The following FTO variants were observed in gnomAD, a reference collection of about 807,000 sequenced individuals.
FTO encodes FTO alpha-ketoglutarate dependent dioxygenase, also known as alpha-ketoglutarate-dependent dioxygenase FTO.
In FTO, 47 loss-of-function variants were observed where a neutral mutation model predicts 63.9. The ratio of observed to expected loss-of-function variants is 0.74; its 90% CI spans 0.58 to 0.94. FTO has a LOEUF of 0.94. FTO is among the 40% of genes least tolerant of loss of function. The pLI, the probability that FTO is intolerant of heterozygous loss-of-function variation, is 0.00. For missense variants in FTO, 562 were observed against 618.1 expected, an observed-to-expected ratio of 0.91 and a Z score of 0.96; for synonymous variants, 207 against 224.4, an observed-to-expected ratio of 0.92 and a Z score of 0.69.
intron 8 of FTO, among the ~76,000 whole-genome samples, chr16:54,058,148 G>A (rs373474945): frequency 2.6e-4 from 39 of 152,046 alleles, no homozygotes; most frequent in African/African-American, 7.2e-4. Flanking sequence ...TCGCTCTGTC[G>A]TCAAGACTGG....
chr16:53,903,720 T>C (rs2111112), intron 7 of FTO, among the ~76,000 whole-genome samples: 103,837 of 152,142 alleles, frequency 0.68, 37,551 homozygotes, highest in East Asian at 0.98. Flanking sequence ...CTGTCTTTAG[T>C]CTTCTGCTTT....
chr16:53,781,502 C>T (rs1287535273), intron 1 of FTO, among the ~76,000 whole-genome samples: 1 of 152,152 alleles, frequency 6.6e-6, no homozygotes, highest in Non-Finnish European at 1.5e-5. Flanking sequence ...GAAAAGTTAC[C>T]TGATTCCTGC....
At chr16:53,783,604 TAAAAAAAA>T (rs753810468) in intron 1 of FTO, among the ~76,000 whole-genome samples, 2 of 68,146 alleles carry the variant, frequency 2.9e-5, no homozygotes, top group African/African-American at 1.2e-4. Context: ...CAAGACTCCA[TAAAAAAAA>T]AAAAAAAAAA....
intron 8 of FTO, among the ~76,000 whole-genome samples, chr16:54,019,949 G>A (rs1166514548): frequency 2.0e-5 from 3 of 152,096 alleles, no homozygotes; most frequent in African/African-American, 7.2e-5. Flanking sequence ...ATTGTTTTTT[G>A]TTTTATCTAG....
chr16:53,743,882 A>AT (rs759499132), intron 1 of FTO, among the ~76,000 whole-genome samples: 1 of 151,712 alleles, frequency 6.6e-6, no homozygotes, highest in Non-Finnish European at 1.5e-5. Flanking sequence ...TTGCTTTCAG[A>AT]TTTTTTCCTC....
In FTO at chr16:54,111,754, T is replaced by C. The variant is rs1398309060; in HGVS notation, c.1365-8T>C. 6.2e-7 allele frequency: 1 copy of C among 1,614,082 alleles called. No homozygotes were observed. The highest frequency in any genetic ancestry group is 8.5e-7 in the Non-Finnish European group (1 of 1,180,026). On this transcript the variant is annotated splice_polypyrimidine_tract_variant and splice_region_variant and intron_variant, in intron 8 of 8. Transcript: ENST00000471389. ...CCGTGGATTAATTTCCTATTTTTAC[T>C]CTTCCAGGTGCCAGTCACGAATTGC...
chr16:54,006,022 A>G (rs1282482004), intron 8 of FTO, among the ~76,000 whole-genome samples: 1 of 152,212 alleles, frequency 6.6e-6, no homozygotes, highest in African/African-American at 2.4e-5. Flanking sequence ...CTCCCAGAGC[A>G]ATTGATAAAT....
intron 7 of FTO, chr16:53,911,560 A>G (rs2081706192): frequency 2.9e-6 from 2 of 691,094 alleles, no homozygotes; most frequent in Non-Finnish European, 5.3e-6. Context: ...CTGAGGAGAC[A>G]TTTCTCAGAA....
intron 7 of FTO, among the ~76,000 whole-genome samples, chr16:53,908,653 G>A (rs1042122809): frequency 6.6e-6 from 1 of 152,162 alleles, no homozygotes; most frequent in African/African-American, 2.4e-5. Context: ...GCACTTCAGA[G>A]CCATGCAGAA....
rs757869301 is a variant in FTO, at chr16:53,873,823, C to T, written c.933C>T (p.Ala311=). 1.9e-5 allele frequency: 31 copies of T among 1,612,836 alleles called. No homozygotes were observed. Among genetic ancestry groups the T allele is most frequent in the South Asian group, 3.3e-5 (3 of 91,066 alleles). The change falls in exon 5 of 9, where the codon GCC becomes GCT. Residue 311 remains alanine, a synonymous_variant. Transcript: ENST00000471389. ...CCACCCACCAACACTGTGTTTTGGC[C>T]GGTTCACAACCTCGGTTTAGTTCCA... The part of the protein sequence containing the change: ...LNATHQHCVL[A]GSQPRFSSTH...
intron 8 of FTO, among the ~76,000 whole-genome samples, chr16:53,953,764 G>T (rs2094744439): frequency 6.6e-6 from 1 of 152,210 alleles, no homozygotes; most frequent in Non-Finnish European, 1.5e-5. Context: ...CAGAAGCCAT[G>T]AGGGGCCCAG....
At chr16:53,963,591 T>C (rs1173964620) in intron 8 of FTO, among the ~76,000 whole-genome samples, 3 of 152,146 alleles carry the variant, frequency 2.0e-5, no homozygotes, top group African/African-American at 7.2e-5. Flanking sequence ...TGTTAAAAAG[T>C]GTGTACCACC....
At chr16:53,774,576 C>T (rs1481283244) in intron 1 of FTO, among the ~76,000 whole-genome samples, 1 of 152,138 alleles carries the variant, frequency 6.6e-6, no homozygotes, top group Non-Finnish European at 1.5e-5. Context: ...ACTATTTTCA[C>T]TTGGTTGTTC....
intron 7 of FTO, among the ~76,000 whole-genome samples, chr16:53,929,198 G>T (rs921156943): frequency 6.6e-6 from 1 of 152,118 alleles, no homozygotes; most frequent in African/African-American, 2.4e-5. Context: ...GTACAGAATG[G>T]TTCCATCATG....
rs935173300 is a variant in FTO, at chr16:54,084,332, T to C, written c.1365-27430T>C. 2.0e-5 allele frequency among the ~76,000 whole-genome samples: 3 copies of C among 152,192 alleles called. No homozygotes were observed. The East Asian group carries it at 5.8e-4, about 29-fold the overall frequency. On this transcript the variant is annotated intron_variant, in intron 8 of 8. Coordinates refer to ENST00000471389, the MANE Select transcript of FTO (RefSeq NM_001080432.3). ...CCTTTGACAGTCCTGTTCTAGTCTTTTCCAAGGACAAATGTGTTTCTAGAG... is the reference window on the plus strand; with the variant it reads ...CCTTTGACAGTCCTGTTCTAGTCTTCTCCAAGGACAAATGTGTTTCTAGAG...
intron 7 of FTO, among the ~76,000 whole-genome samples, chr16:53,897,066 A>C (rs1434901653): frequency 6.6e-6 from 1 of 152,008 alleles, no homozygotes; most frequent in Non-Finnish European, 1.5e-5. Context: ...CAAAATAATG[A>C]CCCTTTTTTA....
At chr16:54,022,592 C>A (rs2084625617) in intron 8 of FTO, among the ~76,000 whole-genome samples, 1 of 152,176 alleles carries the variant, frequency 6.6e-6, no homozygotes, top group African/African-American at 2.4e-5. Flanking sequence ...CATTACTGCT[C>A]AAGTGACGGC....
chr16:53,914,079 C>T lies in FTO; in HGVS notation c.1240-19906C>T, dbSNP rs191826621. ...CCCAGTGGAGGACAGCGTCTTCTCA[C>T]GATCACTTCCCAGGGACTCTCTTAT... On this transcript the variant is annotated intron_variant, in intron 7 of 8. Coordinates refer to ENST00000471389, the MANE Select transcript of FTO (RefSeq NM_001080432.3). Among the ~76,000 whole-genome samples the T allele has an allele frequency of 8.4e-4, 127 of 152,054 alleles. 1 individual carries two copies. The highest frequency in any genetic ancestry group is 3.0e-3 in the African/African-American group (123 of 41,490).
At chr16:53,879,570 C>T (rs2080764094) in intron 5 of FTO, among the ~76,000 whole-genome samples, 1 of 151,494 alleles carries the variant, frequency 6.6e-6, no homozygotes, top group African/African-American at 2.4e-5. Flanking sequence ...CCTGTGGTAC[C>T]AGCTATTCAG....
Sources: gnomAD v4.1 joint callset for allele counts (sites outside exome capture counted in the v4.1 genomes callset) on GRCh38, gnomAD v4.1.1 for gene constraint, MANE v1.5 for transcripts, NCBI Gene and HGNC (gene_info 2026-07-23, HGNC 2026-07-21) for gene names.